Variants in ZBTB7C observed in about 807,000 individuals in gnomAD.
The protein encoded by ZBTB7C is zinc finger and BTB domain containing 7C.
A neutral mutation model predicts 25.7 loss-of-function variants in ZBTB7C; 8 were observed. The ratio of observed to expected loss-of-function variants is 0.31; its 90% CI spans 0.18 to 0.56. The LOEUF is 0.56. ZBTB7C is among the 20% of genes least tolerant of loss of function. The probability of loss-of-function intolerance (pLI) is 0.91; values close to 1 mark genes in which losing one functional copy is unlikely to be tolerated. For synonymous variants in ZBTB7C, 394 were observed against 369.0 expected (o/e 1.07, Z -0.78); for missense variants, 824 against 855.2 (o/e 0.96, Z 0.46).
intron 2 of ZBTB7C, among the ~76,000 whole-genome samples, chr18:48,331,588 G>A (rs552701400): frequency 7.2e-5 from 11 of 152,330 alleles, no homozygotes; most frequent in African/African-American, 2.6e-4. Context: ...AAGAGGTACA[G>A]TGTATATTAG....
intron 3 of ZBTB7C, among the ~76,000 whole-genome samples, chr18:48,170,850 G>A (rs1315823893): frequency 2.6e-5 from 4 of 151,674 alleles, no homozygotes; most frequent in African/African-American, 7.3e-5. Context: ...GCCCCTGTAC[G>A]ACTGCAGAGG....
chr18:48,411,466 C>T (rs998208191), upstream of ZBTB7C, among the ~76,000 whole-genome samples: 2 of 152,202 alleles, frequency 1.3e-5, no homozygotes, highest in African/African-American at 4.8e-5. Context: ...AGGTTTGTCT[C>T]TCTGTTAAAT....
upstream of ZBTB7C, among the ~76,000 whole-genome samples, chr18:48,411,876 G>A (rs764281908): frequency 3.2e-4 from 48 of 152,226 alleles, no homozygotes; most frequent in Non-Finnish European, 5.6e-4. Flanking sequence ...ATGGAATAGC[G>A]TAAGCATGGA....
In ZBTB7C at chr18:48,072,195, C is replaced by T. The variant is rs141243964; in HGVS notation, c.-16-31072G>A. ...GCATTTGACCACTGGAACCCGACAG[C>T]CATGATTTCTAGCTGTGTGAAAGTG... On this transcript the variant is annotated intron_variant, in intron 3 of 4. Coordinates refer to ENST00000590800, the MANE Select transcript of ZBTB7C (RefSeq NM_001318841.2). Among the ~76,000 whole-genome samples, 17 of 152,336 alleles carry T rather than the reference C, an allele frequency of 1.1e-4. No individual in the cohort carries two copies. In the East Asian group the frequency reaches 3.1e-3, roughly 28 times the overall value.
At chr18:48,265,134 CT>C in intron 2 of ZBTB7C, among the ~76,000 whole-genome samples, 1 of 152,284 alleles carries the variant, frequency 6.6e-6, no homozygotes, top group South Asian at 2.1e-4. Context: ...CCTGGCCTGC[CT>C]TTGGCAAGAA....
rs112812098 is a variant in ZBTB7C at position 48,347,239 on chromosome 18, G to A, written c.-303-8841C>T. Among the ~76,000 whole-genome samples, 1,270 of 148,058 alleles carry A rather than the reference G, an allele frequency of 8.6e-3. 14 individuals are homozygous for A. The highest frequency in any genetic ancestry group is 0.054 in the Middle Eastern group (15 of 278). ...TCCTGCCACGGCCTCCCAAGTAGCTGGGACTACAGGCACGCACCACCATGC... is the reference window on the plus strand; with the variant it reads ...TCCTGCCACGGCCTCCCAAGTAGCTAGGACTACAGGCACGCACCACCATGC... On this transcript the variant is annotated intron_variant, in intron 1 of 4. Coordinates refer to ENST00000590800, the MANE Select transcript of ZBTB7C (RefSeq NM_001318841.2).
chr18:48,057,857 C>A (rs2036976992), intron 3 of ZBTB7C, among the ~76,000 whole-genome samples: 1 of 152,182 alleles, frequency 6.6e-6, no homozygotes, highest in Non-Finnish European at 1.5e-5. Flanking sequence ...TGAAAACAGG[C>A]TCTGGCTGCC....
intron 1 of ZBTB7C, among the ~76,000 whole-genome samples, chr18:48,378,732 A>G (rs2047575071): frequency 6.6e-6 from 1 of 152,222 alleles, no homozygotes; most frequent in South Asian, 2.1e-4. Flanking sequence ...GACAGACAAT[A>G]TGCAATCATA....
In ZBTB7C at chr18:48,119,799, A is replaced by G. The variant is rs1167166602; in HGVS notation, c.-17+66135T>C. On this transcript the variant is annotated intron_variant, in intron 3 of 4. Transcript: ENST00000590800. The stretch of plus-strand genomic sequence containing the variant: ...CTTTGGTGAGGACATACCAACATAA[A>G]TAACAATCTCATTGATGGCAGCCCT... 2.6e-5 allele frequency among the ~76,000 whole-genome samples: 4 copies of G among 152,174 alleles called. No homozygotes were observed. The East Asian group carries it at 7.7e-4, about 29-fold the overall frequency.
chr18:48,264,038 A>G (rs1011595658), intron 2 of ZBTB7C, among the ~76,000 whole-genome samples: 2 of 152,226 alleles, frequency 1.3e-5, no homozygotes, highest in African/African-American at 4.8e-5. Context: ...TCTGTACTCT[A>G]TAACCTAGTA....
At chr18:48,398,338 T>C (rs1206670992) in intron 1 of ZBTB7C, among the ~76,000 whole-genome samples, 2 of 152,240 alleles carry the variant, frequency 1.3e-5, no homozygotes, top group Non-Finnish European at 2.9e-5. Context: ...TACCAGACTC[T>C]GAAGCCAGAG....
chr18:48,275,719 T>C (rs1008456632), intron 2 of ZBTB7C, among the ~76,000 whole-genome samples: 13 of 152,196 alleles, frequency 8.5e-5, no homozygotes, highest in African/African-American at 1.2e-4. Flanking sequence ...CGCATCATCT[T>C]CCAGGAAGAG....
chr18:48,376,454 G>A (rs1387398697), intron 1 of ZBTB7C, among the ~76,000 whole-genome samples: 4 of 152,212 alleles, frequency 2.6e-5, no homozygotes, highest in Non-Finnish European at 4.4e-5. Context: ...TTTGGGGCAC[G>A]ATGTCTGAGG....
chr18:48,367,242 C>CACACAT (rs2047255957), intron 1 of ZBTB7C, among the ~76,000 whole-genome samples: 3 of 127,024 alleles, frequency 2.4e-5, no homozygotes, highest in Non-Finnish European at 3.4e-5. Context: ...CATACATACA[C>CACACAT]ACACACACAC....
At chr18:48,361,840 G>C (rs1568400483) in intron 1 of ZBTB7C, among the ~76,000 whole-genome samples, 3 of 152,228 alleles carry the variant, frequency 2.0e-5, no homozygotes. Context: ...CATGGGATAA[G>C]CCAGGGAGAG....
intron 2 of ZBTB7C, among the ~76,000 whole-genome samples, chr18:48,333,687 T>C (rs1025919886): frequency 1.3e-5 from 2 of 152,152 alleles, no homozygotes; most frequent in Admixed American, 1.3e-4. Context: ...TTAGGATTCG[T>C]GACAGCCTTG....
intron 3 of ZBTB7C, among the ~76,000 whole-genome samples, chr18:48,090,486 A>C (rs2038370839): frequency 2.0e-5 from 3 of 152,224 alleles, no homozygotes; most frequent in Admixed American, 2.0e-4. Context: ...GGAAGAACAA[A>C]CCAAGTCCTC....
intron 1 of ZBTB7C, among the ~76,000 whole-genome samples, chr18:48,379,013 T>A (rs2047580965): frequency 6.6e-6 from 1 of 152,240 alleles, no homozygotes; most frequent in African/African-American, 2.4e-5. Context: ...TTTCAACTTA[T>A]GATATTTTTA....
chr18:48,365,035 G>C (rs997126964), intron 1 of ZBTB7C, among the ~76,000 whole-genome samples: 5 of 152,168 alleles, frequency 3.3e-5, no homozygotes, highest in Non-Finnish European at 5.9e-5. Context: ...GCTGGTCCAG[G>C]AACCACACTT....
Sources: gnomAD v4.1 joint callset for allele counts (sites outside exome capture counted in the v4.1 genomes callset) on GRCh38, gnomAD v4.1.1 for gene constraint, MANE v1.5 for transcripts, NCBI Gene and HGNC (gene_info 2026-07-23, HGNC 2026-07-21) for gene names.